The following ADGRA3 variants were observed in gnomAD, a reference collection of about 807,000 sequenced individuals.
ADGRA3 encodes G-protein coupled receptor 125.
Under a neutral mutation model 119.8 loss-of-function variants are expected in ADGRA3, and 56 were observed. The ratio of observed to expected loss-of-function variants is 0.47; its 90% confidence interval spans 0.38 to 0.58. The LOEUF is 0.58. ADGRA3 is among the 20% of genes least tolerant of loss of function. The pLI, the probability that ADGRA3 is intolerant of heterozygous loss-of-function variation, is 0.00. For synonymous variants in ADGRA3, 607 were observed against 623.8 expected (o/e 0.97, Z 0.40); for missense variants, 1,516 against 1,649.0 (o/e 0.92, Z 1.40).
chr4:22,442,733 C>T lies in ADGRA3; in HGVS notation c.837G>A (p.Gln279=), dbSNP rs544304034. ...CATCGGTTTCAACTATTCTCCCATC[C>T]TGATACCACAACACTTGCATGTCCT... ...IDQDMQVLWY[Q]DGRIVETDES... is the part of the protein sequence containing the mutation. Residue 279 remains glutamine (Q), a synonymous_variant, in exon 7 of 19, where the codon CAG becomes CAA. Transcript: ENST00000334304. The T allele has an allele frequency of 5.0e-6, 8 of 1,613,370 alleles. No individual in the cohort carries two copies. The highest frequency in any genetic ancestry group is 1.1e-5 in the South Asian group (1 of 91,064).
chr4:22,399,016 T>A (rs890752683), intron 16 of ADGRA3, among the ~76,000 whole-genome samples: 1 of 152,210 alleles, frequency 6.6e-6, no homozygotes, highest in Admixed American at 6.5e-5. Flanking sequence ...TGGGTCCACA[T>A]GTTCATCAAG....
intron 3 of ADGRA3, among the ~76,000 whole-genome samples, chr4:22,460,646 A>G (rs1055500063): frequency 1.3e-5 from 2 of 152,250 alleles, no homozygotes; most frequent in African/African-American, 4.8e-5. Context: ...GAAATGCTAC[A>G]TAAGCCAGAG....
At chr4:22,471,425 C>T (rs1206731138) in intron 2 of ADGRA3, among the ~76,000 whole-genome samples, 1 of 152,112 alleles carries the variant, frequency 6.6e-6, no homozygotes, top group East Asian at 1.9e-4. Context: ...ACGTAACAAA[C>T]CTCTTTAAAA....
In ADGRA3 at chr4:22,388,935, T is replaced by C. The variant is rs3733314; in HGVS notation, c.2736A>G (p.Ala912=). ...SRPNAPYCWM[A]WEPSLGAFYG... is the part of the protein sequence containing the mutation. ...AGAAGGCTCCCAAGGAGGGTTCCCATGCCATCCAGCAACTGGAAAAGAAAA... is the reference window on the plus strand; with the variant it reads ...AGAAGGCTCCCAAGGAGGGTTCCCACGCCATCCAGCAACTGGAAAAGAAAA... Residue 912 remains alanine (A), a synonymous_variant, in exon 19 of 19, where the codon GCA becomes GCG. Transcript: ENST00000334304. 12,030 of 1,612,830 alleles carry C rather than the reference T, an allele frequency of 7.5e-3. 444 individuals are homozygous for C. The highest frequency in any genetic ancestry group is 0.071 in the East Asian group (3,175 of 44,858).
chr4:22,481,018 T>C (rs576316861), intron 1 of ADGRA3, among the ~76,000 whole-genome samples: 1 of 152,202 alleles, frequency 6.6e-6, no homozygotes, highest in African/African-American at 2.4e-5. Context: ...CCAGCCTGGG[T>C]GACAGAGCAA....
At position 22,434,419 on chromosome 4, in the gene ADGRA3, G is replaced by A. The variant is rs370047727; in HGVS notation, c.1443+892C>T. 9.2e-5 allele frequency among the ~76,000 whole-genome samples: 14 copies of A among 152,032 alleles called. No homozygotes were observed. In the East Asian group the frequency reaches 1.4e-3, roughly 15 times the overall value. The stretch of plus-strand genomic sequence containing the variant: ...GAGCACTTTTAGAGTTCCAAGTCAG[G>A]GCCACATTGTATGGGAAGGTGAATG... On this transcript the variant is annotated intron_variant, in intron 10 of 18. Coordinates refer to ENST00000334304, the MANE Select transcript of ADGRA3 (RefSeq NM_145290.4).
chr4:22,484,883 T>TC (rs371144735), intron 1 of ADGRA3, among the ~76,000 whole-genome samples: 1 of 152,056 alleles, frequency 6.6e-6, no homozygotes, highest in African/African-American at 2.4e-5. Context: ...CTTTTTTTTT[T>TC]CTCCATCTGC....
At chr4:22,506,749 GA>G (rs34984034) in intron 1 of ADGRA3, among the ~76,000 whole-genome samples, 3,461 of 147,472 alleles carry the variant, frequency 0.023, 139 homozygotes, top group African/African-American at 0.08. Flanking sequence ...AGTCAAGACG[GA>G]AAAAAAAAAA....
At chr4:22,395,433 T>C (rs555756052) in intron 16 of ADGRA3, among the ~76,000 whole-genome samples, 1 of 152,366 alleles carries the variant, frequency 6.6e-6, no homozygotes, top group South Asian at 2.1e-4. Context: ...GCCTGCTATG[T>C]ATCCAAAAAC....
intron 13 of ADGRA3, 64 bp from the exon 14 acceptor site, chr4:22,413,454 C>T (rs2109023824): frequency 6.8e-7 from 1 of 1,464,710 alleles, no homozygotes; most frequent in Admixed American, 1.7e-5. Context: ...TAAATGTCAA[C>T]TTCTACAGTA....
chr4:22,414,616 C>A (rs576930197), intron 12 of ADGRA3: 10 of 698,920 alleles, frequency 1.4e-5, no homozygotes, highest in Non-Finnish European at 2.6e-5. Flanking sequence ...CCTTAAGAAA[C>A]AAATCGAATC....
chr4:22,506,517 C>T lies in ADGRA3; in HGVS notation c.257+9011G>A, dbSNP rs145608511. The stretch of plus-strand genomic sequence containing the variant: ...ACACTGAGCCAAGATCGCACCACTG[C>T]ACTCCAGCCTGGGTGACAGAGTGAG... On this transcript the variant is annotated intron_variant, in intron 1 of 18. Transcript: ENST00000334304. Among the ~76,000 whole-genome samples, 501 of 152,296 alleles carry T rather than the reference C, an allele frequency of 3.3e-3. 8 individuals are homozygous for T. The East Asian group carries it at 0.042, about 13-fold the overall frequency.
At position 22,515,671 on chromosome 4, in the gene ADGRA3, CG is replaced by C; in HGVS notation, c.113del (p.Ala38GlyfsTer49). The C allele has an allele frequency of 8.7e-7, 1 of 1,154,796 alleles. No homozygotes were observed. The highest frequency in any genetic ancestry group is 1.1e-6 in the Non-Finnish European group (1 of 939,234). The allele number at this position is 1,154,796 out of a possible 1,614,324, so 71.5% of individuals were successfully genotyped here. A position where few individuals can be genotyped will look rare whatever the true frequency, so the allele number is the denominator to read the frequency against. Reference protein sequence around the residue: ...LGGGGGGGAAALPAGCKHDGR... With the variant: ...LGGGGGGGAAXLPAGCKHDGR... ...CATCGTGCTTGCAGCCGGCGGGCAG[CG>C]CCGCGGCGCCGCCGCCGCCGCCGCC... On this transcript the variant is annotated frameshift_variant, in exon 1 of 19. Transcript: ENST00000334304. LOFTEE classifies it high-confidence loss of function.
At chr4:22,468,471 G>A (rs1011280608) in intron 2 of ADGRA3, among the ~76,000 whole-genome samples, 2 of 152,162 alleles carry the variant, frequency 1.3e-5, no homozygotes, top group East Asian at 1.9e-4. Flanking sequence ...TCCATAAAAC[G>A]AAGACAGAGA....
chr4:22,475,904 C>A (rs1206495461), intron 1 of ADGRA3, among the ~76,000 whole-genome samples: 1 of 151,994 alleles, frequency 6.6e-6, no homozygotes, highest in Non-Finnish European at 1.5e-5. Flanking sequence ...CCAAACACCA[C>A]CTGTTCCCCC....
At chr4:22,445,657 AC>A (rs1169568849) in intron 5 of ADGRA3, among the ~76,000 whole-genome samples, 1 of 152,180 alleles carries the variant, frequency 6.6e-6, no homozygotes, top group Non-Finnish European at 1.5e-5. Context: ...TAGACTGTGA[AC>A]TTCCCTAGGG....
Position 22,388,233 on chromosome 4 carries a change from T to C in ADGRA3, c.3438A>G (p.Ser1146=). Residue 1146 remains serine (S), a synonymous_variant, in exon 19 of 19, where the codon TCA becomes TCG. Transcript: ENST00000334304. ...CGTGCATTTTAATATCATTGTCCATTGAATGTTCTGTCAGACTATTATCAA... is the reference window on the plus strand; with the variant it reads ...CGTGCATTTTAATATCATTGTCCATCGAATGTTCTGTCAGACTATTATCAA... ...PQLDNSLTEH[S]MDNDIKMHVA... The C allele has an allele frequency of 1.2e-6, 2 of 1,614,062 alleles. No individual in the cohort carries two copies. The highest frequency in any genetic ancestry group is 1.7e-6 in the Non-Finnish European group (2 of 1,179,958).
chr4:22,448,652 T>C (rs1260675960), intron 4 of ADGRA3, among the ~76,000 whole-genome samples: 1 of 152,168 alleles, frequency 6.6e-6, no homozygotes, highest in Non-Finnish European at 1.5e-5. Context: ...GGGACACCTG[T>C]AGCAACATAT....
chr4:22,450,545 G>A (rs529389521), intron 4 of ADGRA3, among the ~76,000 whole-genome samples: 3 of 152,266 alleles, frequency 2.0e-5, no homozygotes, highest in South Asian at 2.1e-4. Flanking sequence ...GATTACGGGC[G>A]TGAGCCACTG....
Sources: allele counts gnomAD v4.1 joint callset (sites outside exome capture counted in the v4.1 genomes callset), GRCh38; gene constraint gnomAD v4.1.1; transcripts MANE v1.5; gene names NCBI Gene and HGNC (gene_info 2026-07-23, HGNC 2026-07-21).